Variants in ARHGAP29 observed in about 807,000 individuals in gnomAD.
ARHGAP29 encodes rho GTPase-activating protein 29.
Under a neutral mutation model 122.6 loss-of-function variants are expected in ARHGAP29, and 43 were observed. The observed-to-expected ratio is 0.35, with a 90% CI of 0.27 to 0.45. The LOEUF is 0.45. Among genes scored for constraint, ARHGAP29 ranks in the 20% least tolerant of loss-of-function variants. The pLI is 1.00. For missense variants in ARHGAP29, 1,303 were observed against 1,477.2 expected, an observed-to-expected ratio of 0.88 and a Z score of 1.93; for synonymous variants, 506 against 497.1, an observed-to-expected ratio of 1.02 and a Z score of -0.24.
intron 5 of ARHGAP29, 75 bp downstream of exon 5, chr1:94,208,757 G>T: frequency 6.9e-7 from 1 of 1,452,688 alleles, no homozygotes; most frequent in Non-Finnish European, 9.6e-7. Context: ...ACCACCCCCG[G>T]CCTAAGATTA....
At chr1:94,250,670 T>G (rs1431683124) in intron 1 of ARHGAP29, 2 of 152,192 alleles carry the variant, frequency 1.3e-5, no homozygotes, top group East Asian at 3.8e-4. Context: ...GAAATGAATG[T>G]GAAAGACATT....
chr1:94,234,423 G>A (rs980528526), intron 1 of ARHGAP29, among the ~76,000 whole-genome samples: 5 of 152,274 alleles, frequency 3.3e-5, no homozygotes, highest in Middle Eastern at 3.4e-3. Context: ...AAAAGTATAT[G>A]AAGCTGAGGG....
rs763023340 is a variant in ARHGAP29, at chr1:94,184,922, T to C, written c.2059A>G (p.Ile687Val). 4.3e-6 allele frequency: 7 copies of C among 1,613,154 alleles called. No individual in the cohort carries two copies. ...AKKEPDGIPF[I>V]LKICASEIEN... is the part of the protein sequence containing the mutation. ...ATCTCTGAGGCACATATTTTGAGTA[T>C]AAAAGGGATACCATCTGGTTCCTTT... The change falls in exon 18 of 23, where the codon ATA becomes GTA. Residue 687 changes from isoleucine to valine, a missense_variant. Coordinates refer to ENST00000260526, the MANE Select transcript of ARHGAP29 (RefSeq NM_004815.4).
At chr1:94,288,649 T>C in the ARHGAP29 span, among the ~76,000 whole-genome samples, 2 of 152,236 alleles carry the variant, frequency 1.3e-5, no homozygotes, top group African/African-American at 4.8e-5. Flanking sequence ...TTTAAGTCTT[T>C]AATCCATCTT....
the ARHGAP29 span, among the ~76,000 whole-genome samples, chr1:94,305,065 T>G: frequency 1.3e-5 from 2 of 152,364 alleles, no homozygotes; most frequent in East Asian, 3.9e-4. Context: ...TTTTAGGTTC[T>G]GCAAATAGTG....
chr1:94,258,484 T>C (rs747286006), intron 1 of ARHGAP29, among the ~76,000 whole-genome samples: 1 of 152,226 alleles, frequency 6.6e-6, no homozygotes, highest in Non-Finnish European at 1.5e-5. Context: ...TTAGAAACTC[T>C]AGCTGATACC....
At chr1:94,233,985 T>C (rs140068434) in intron 1 of ARHGAP29, among the ~76,000 whole-genome samples, 2 of 152,304 alleles carry the variant, frequency 1.3e-5, no homozygotes, top group East Asian at 3.9e-4. Context: ...TTCTCCTTTG[T>C]TTACTCACTC....
intron 1 of ARHGAP29, among the ~76,000 whole-genome samples, chr1:94,256,700 A>G (rs1281384853): frequency 6.6e-6 from 1 of 150,570 alleles, no homozygotes; most frequent in African/African-American, 2.5e-5. Context: ...CTGGGACTAC[A>G]GGCGCCCACT....
chr1:94,190,135 T>C lies in ARHGAP29; in HGVS notation c.1282-52A>G, dbSNP rs757633207. ...GTAACTCATGATATACAGAATGCTA[T>C]ATAAACATACATTTATTTCAATGAC... On this transcript the variant is annotated intron_variant, in intron 12 of 22. Transcript: ENST00000260526. 4.8e-5 allele frequency: 76 copies of C among 1,567,236 alleles called. No individual in the cohort carries two copies. In the South Asian group the frequency reaches 8.3e-4, roughly 17 times the overall value.
chr1:94,293,145 A>G, the ARHGAP29 span, among the ~76,000 whole-genome samples: 10 of 152,012 alleles, frequency 6.6e-5, no homozygotes, highest in East Asian at 1.8e-3. Context: ...CGCTTTGTTT[A>G]CACTGTGAGC....
chr1:94,264,579 G>A (rs1654688954), intron 1 of ARHGAP29, among the ~76,000 whole-genome samples: 1 of 152,050 alleles, frequency 6.6e-6, no homozygotes, highest in Non-Finnish European at 1.5e-5. Flanking sequence ...ACTCAGGGGA[G>A]TCCCATCCTA....
At chr1:94,281,044 A>G in the ARHGAP29 span, among the ~76,000 whole-genome samples, 4 of 152,188 alleles carry the variant, frequency 2.6e-5, no homozygotes, top group Non-Finnish European at 5.9e-5. Flanking sequence ...TCCTTTCAAG[A>G]GCTAATTATA....
At chr1:94,300,116 ACTT>A in the ARHGAP29 span, among the ~76,000 whole-genome samples, 1 of 152,176 alleles carries the variant, frequency 6.6e-6, no homozygotes, top group African/African-American at 2.4e-5. Context: ...GCCCACCTGT[ACTT>A]CTTCCTTCTT....
At chr1:94,207,831 G>T (rs1027740621) in intron 5 of ARHGAP29, among the ~76,000 whole-genome samples, 1 of 151,534 alleles carries the variant, frequency 6.6e-6, no homozygotes, top group African/African-American at 2.4e-5. Flanking sequence ...CCAAATATTT[G>T]ATTTTTTTTT....
At chr1:94,212,365 A>C (rs554036239) in intron 3 of ARHGAP29, among the ~76,000 whole-genome samples, 1 of 152,356 alleles carries the variant, frequency 6.6e-6, no homozygotes, top group African/African-American at 2.4e-5. Context: ...ACAATTTCAC[A>C]GGAGTATGAT....
Position 94,205,042 on chromosome 1 carries a change from G to C in ARHGAP29, c.697+19C>G, listed in dbSNP as rs1383103029. The C allele has an allele frequency of 6.5e-7, 1 of 1,547,044 alleles. No homozygotes were observed. The highest frequency in any genetic ancestry group is 2.4e-5 in the East Asian group (1 of 42,066). On this transcript the variant is annotated intron_variant, in intron 7 of 22. Coordinates refer to ENST00000260526, the MANE Select transcript of ARHGAP29 (RefSeq NM_004815.4). ...TTAATTATTATACTCTAAATCAGAT[G>C]CTTTAAAAGGCAACTCACCCAAGTT... is the stretch of plus-strand genomic sequence containing the variant.
At chr1:94,181,542 T>C (rs1338628042) in intron 19 of ARHGAP29, among the ~76,000 whole-genome samples, 1 of 152,174 alleles carries the variant, frequency 6.6e-6, no homozygotes. Context: ...GACCCTTCTC[T>C]GGAGTATCAA....
In ARHGAP29 at chr1:94,187,506, C is replaced by T. The variant is rs568184393; in HGVS notation, c.1682-909G>A. 2.6e-5 allele frequency among the ~76,000 whole-genome samples: 4 copies of T among 152,276 alleles called. No individual in the cohort carries two copies. In the East Asian group the frequency reaches 7.7e-4, roughly 29 times the overall value. ...TCTTATATTACTGAACAGAAATCTG[C>T]CTCCCTATAAATCCCAGCCTTGGTC... is the stretch of plus-strand genomic sequence containing the variant. On this transcript the variant is annotated intron_variant, in intron 15 of 22. Coordinates refer to ENST00000260526, the MANE Select transcript of ARHGAP29 (RefSeq NM_004815.4).
intron 1 of ARHGAP29, 53 bp downstream of exon 1, chr1:94,237,362 G>T (rs1039747861): frequency 6.1e-6 from 6 of 979,536 alleles, no homozygotes; most frequent in African/African-American, 5.3e-5. Flanking sequence ...GGCAACCCCA[G>T]CCCGGAGCCA....
Sources: allele counts gnomAD v4.1 joint callset (sites outside exome capture counted in the v4.1 genomes callset), GRCh38; gene constraint gnomAD v4.1.1; transcripts MANE v1.5; gene names NCBI Gene and HGNC (gene_info 2026-07-23, HGNC 2026-07-21).